Variants in CDC27 observed in about 807,000 individuals in gnomAD.
The protein encoded by CDC27 is cell division cycle protein 27 homolog.
CDC27 carries 27 observed loss-of-function variants against 109.7 expected under a neutral mutation model. The ratio of observed to expected loss-of-function variants is 0.25; its 90% CI spans 0.18 to 0.34. The LOEUF is 0.34. CDC27 is among the 10% of genes least tolerant of loss of function. The pLI, the probability that CDC27 is intolerant of heterozygous loss-of-function variation, is 1.00. For missense variants in CDC27, 579 were observed against 960.2 expected (o/e 0.60, Z 5.25); for synonymous variants, 266 against 333.9 (o/e 0.80, Z 2.22).
intron 2 of CDC27, among the ~76,000 whole-genome samples, chr17:47,177,532 C>T (rs994293023): frequency 2.0e-5 from 3 of 152,188 alleles, no homozygotes; most frequent in Non-Finnish European, 4.4e-5. Flanking sequence ...TGGGCCACTG[C>T]ACTGCAGCCT....
intron 4 of CDC27, among the ~76,000 whole-genome samples, chr17:47,163,234 A>G (rs1334343339): frequency 6.6e-6 from 1 of 151,978 alleles, no homozygotes; most frequent in Non-Finnish European, 1.5e-5. Context: ...GACAAAAAAA[A>G]GTCTATACTG....
At chr17:47,181,313 A>C (rs1483160668) in intron 2 of CDC27, 1 of 218,202 alleles carries the variant, frequency 4.6e-6, no homozygotes, top group East Asian at 9.1e-5. Flanking sequence ...CCCTGGGGGA[A>C]AAAAAAACCT....
rs1349219168 is a variant in CDC27 at position 47,118,172 on chromosome 17, T to G, written c.*2763A>C. Reference sequence around the variant, plus strand: ...TTCTCAGTGAAGACTCATACTATACTCTGGCTAATCAGAGACTTCCAAACT... The same window carrying G: ...TTCTCAGTGAAGACTCATACTATACGCTGGCTAATCAGAGACTTCCAAACT... On this transcript the variant is annotated 3_prime_UTR_variant, in exon 19 of 19. Transcript: ENST00000066544. The G allele has an allele frequency of 2.6e-5, 4 of 152,208 alleles. No homozygotes were observed. Among genetic ancestry groups the G allele is most frequent in the Non-Finnish European group, 4.4e-5 (3 of 68,036 alleles). 9.4% of individuals were successfully genotyped at this position (152,208 alleles called of 1,614,324 possible). A position where few individuals can be genotyped will look rare whatever the true frequency, so the allele number is the denominator to read the frequency against.
intron 16 of CDC27, among the ~76,000 whole-genome samples, chr17:47,128,466 A>G (rs1056486465): frequency 9.9e-5 from 15 of 152,214 alleles, no homozygotes; most frequent in Non-Finnish European, 2.1e-4. Context: ...CAGGCTAAGC[A>G]TACATAATTT....
At chr17:47,129,314 CTT>C (rs2062245250) in intron 16 of CDC27, 77 bp downstream of exon 16, 1 of 1,085,382 alleles carries the variant, frequency 9.2e-7, no homozygotes, top group South Asian at 1.7e-5. Context: ...AAATAAATAA[CTT>C]TCAGTTTATT....
intron 13 of CDC27, 36 bp from the exon 14 acceptor site, chr17:47,137,396 A>G (rs2148849669): frequency 7.3e-7 from 1 of 1,370,054 alleles, no homozygotes; most frequent in Middle Eastern, 2.0e-4. Context: ...AACAGAATTA[A>G]AATTTTACTT....
rs756596685 is a variant in CDC27, at chr17:47,181,576, C to T, written c.89G>A (p.Arg30His). The change falls in exon 2 of 19, where the codon CGC becomes CAC. Residue 30 changes from arginine to histidine, a missense_variant. Arg to His is a conservative substitution (Grantham distance 29). This residue lies in a region of CDC27 where 44 missense variants were observed against 102.2 expected (regional missense o/e 0.43). Transcript: ENST00000066544. ...AGATTTCAAACCTTCTGCATAAAGG[C>T]GTTCTGCGAGGAAAACCGCATCTCG... ...AYRDAVFLAE[R>H]LYAEVHSEEA... The T allele has an allele frequency of 1.9e-6, 3 of 1,597,678 alleles. No individual in the cohort carries two copies. The highest frequency in any genetic ancestry group is 1.7e-6 in the Non-Finnish European group (2 of 1,166,292).
Position 47,138,821 on chromosome 17 carries a change from G to C in CDC27, c.1622C>G (p.Thr541Arg), listed in dbSNP as rs1598436856. 1 of 1,604,996 alleles carries C rather than the reference G, an allele frequency of 6.2e-7. No homozygotes were observed. Among genetic ancestry groups the C allele is most frequent in the African/African-American group, 1.3e-5 (1 of 74,682 alleles). ...ATCTTTTTGAAGATGCCAAAGTGTT[G>C]TAGAGTAGATCTCCATGCCTTCAAC... is the stretch of plus-strand genomic sequence containing the variant. ...YRVEGMEIYS[T>R]TLWHLQKDVA... is the part of the protein sequence containing the mutation. Residue 541 changes from threonine (T) to arginine (R), a missense_variant, in exon 13 of 19, where the codon ACA becomes AGA. Coordinates refer to ENST00000066544, the MANE Select transcript of CDC27 (RefSeq NM_001256.6).
intron 4 of CDC27, chr17:47,159,729 T>C: frequency 2.4e-6 from 1 of 411,136 alleles, no homozygotes; most frequent in Non-Finnish European, 4.6e-6. Flanking sequence ...CTGGCACGGG[T>C]CTGCTTCTGC....
chr17:47,139,973 T>TG (rs2062745481), intron 12 of CDC27: 1 of 151,488 alleles, frequency 6.6e-6, no homozygotes, highest in African/African-American at 2.4e-5. Flanking sequence ...CCAGAAAAGG[T>TG]CTAGGTAATA....
chr17:47,124,472 C>T (rs949185836), intron 16 of CDC27, among the ~76,000 whole-genome samples: 1 of 151,976 alleles, frequency 6.6e-6, no homozygotes, highest in Non-Finnish European at 1.5e-5. Context: ...TTAGTAGAGA[C>T]GGGGTTTCAC....
intron 9 of CDC27, among the ~76,000 whole-genome samples, chr17:47,146,433 T>C (rs919788684): frequency 1.3e-5 from 2 of 152,236 alleles, no homozygotes; most frequent in African/African-American, 4.8e-5. Context: ...AATTACATTA[T>C]AGTACTATAG....
At position 47,128,974 on chromosome 17, in the gene CDC27, T is replaced by C. The variant is rs939429854; in HGVS notation, c.2160+419A>G. On this transcript the variant is annotated intron_variant, in intron 16 of 18. Coordinates refer to ENST00000066544, the MANE Select transcript of CDC27 (RefSeq NM_001256.6). ...TTTTAGTAGAGATGGGGTTTCACCA[T>C]GTGGCCCGGCTGGTCTTGAACTCCT... 9.9e-5 allele frequency among the ~76,000 whole-genome samples: 15 copies of C among 152,168 alleles called. 1 individual carries two copies. Among genetic ancestry groups the C allele is most frequent in the Admixed American group, 5.9e-4 (9 of 15,274 alleles).
rs547375572 is a variant in CDC27, at chr17:47,130,315, G to A, written c.2032-794C>T. On this transcript the variant is annotated intron_variant, in intron 15 of 18. Transcript: ENST00000066544. Reference sequence around the variant, plus strand: ...GCAGAGGTTGCAGTGAGCCAAGATCGCGCCACTGCACTCCAGCCTGGGCGA... The same window carrying A: ...GCAGAGGTTGCAGTGAGCCAAGATCACGCCACTGCACTCCAGCCTGGGCGA... 1.1e-4 allele frequency among the ~76,000 whole-genome samples: 17 copies of A among 151,886 alleles called. No homozygotes were observed. In the South Asian group the frequency reaches 2.9e-3, roughly 26 times the overall value.
intron 14 of CDC27, among the ~76,000 whole-genome samples, chr17:47,135,365 T>A (rs1261517477): frequency 6.6e-6 from 1 of 151,992 alleles, no homozygotes; most frequent in Non-Finnish European, 1.5e-5. Flanking sequence ...ATGAATATAG[T>A]GTGGATGGTT....
chr17:47,173,797 A>T (rs1214195509), intron 2 of CDC27, among the ~76,000 whole-genome samples: 2 of 152,238 alleles, frequency 1.3e-5, no homozygotes, highest in Non-Finnish European at 2.9e-5. Context: ...GCAAAACTTA[A>T]AAATAATGAA....
chr17:47,141,795 T>C, intron 12 of CDC27, 58 bp downstream of exon 12: 4 of 1,051,910 alleles, frequency 3.8e-6, no homozygotes, highest in Non-Finnish European at 5.5e-6. Flanking sequence ...TGGGCATTTA[T>C]TTTAATGAAA....
intron 1 of CDC27, among the ~76,000 whole-genome samples, chr17:47,182,134 A>T (rs910797396): frequency 6.6e-6 from 1 of 152,226 alleles, no homozygotes; most frequent in Non-Finnish European, 1.5e-5. Flanking sequence ...TATACATGAC[A>T]GAGATATTAA....
chr17:47,180,933 A>G (rs1323308866), intron 2 of CDC27, among the ~76,000 whole-genome samples: 1 of 141,112 alleles, frequency 7.1e-6, no homozygotes, highest in East Asian at 2.0e-4. Flanking sequence ...CATAGAATAC[A>G]GACTCTTTTC....
Sources: gnomAD v4.1 joint callset for allele counts (sites outside exome capture counted in the v4.1 genomes callset) on GRCh38, gnomAD v4.1.1 for gene constraint, gnomAD v4.1.1 regional missense constraint, MANE v1.5 for transcripts, NCBI Gene and HGNC (gene_info 2026-07-23, HGNC 2026-07-21) for gene names.